The following MICA variants were observed in gnomAD, a reference collection of about 807,000 sequenced individuals.
MICA encodes HLA class I antigen.
Under a neutral mutation model 34.3 loss-of-function variants are expected in MICA, and 18 were observed. That is an observed-to-expected ratio of 0.52 (90% CI 0.36 to 0.78). MICA has a LOEUF of 0.78. Among genes scored for constraint, MICA ranks in the 30% least tolerant of loss-of-function variants. The probability of loss-of-function intolerance (pLI) is 0.00; values close to 1 mark genes in which losing one functional copy is unlikely to be tolerated. For missense variants in MICA, 333 were observed against 409.4 expected, an observed-to-expected ratio of 0.81 and a Z score of 1.61; for synonymous variants, 135 against 156.9, an observed-to-expected ratio of 0.86 and a Z score of 1.04.
intron 5 of MICA, among the ~76,000 whole-genome samples, chr6:31,413,643 G>C (rs1480341270): frequency 6.6e-6 from 1 of 151,870 alleles, no homozygotes; most frequent in East Asian, 1.9e-4. Flanking sequence ...GGCCCCTCAG[G>C]CCTGAGCAGA....
chr6:31,414,389 G>T (rs1308496633), intron 5 of MICA, among the ~76,000 whole-genome samples: 1 of 152,082 alleles, frequency 6.6e-6, no homozygotes, highest in Non-Finnish European at 1.5e-5. Flanking sequence ...ACAGGCTTGG[G>T]TTGTGAGGGT....
At chr6:31,405,305 C>A (rs1437634683) in intron 1 of MICA, among the ~76,000 whole-genome samples, 2 of 151,020 alleles carry the variant, frequency 1.3e-5, no homozygotes, top group Non-Finnish European at 2.9e-5. Context: ...GCCACTGCTC[C>A]CCCTCCAGCA....
intron 1 of MICA, among the ~76,000 whole-genome samples, chr6:31,409,517 C>CATGGCTACTTTGCCCATTTT (rs1447053311): frequency 8.6e-5 from 13 of 151,766 alleles, no homozygotes; most frequent in East Asian, 1.9e-4. Flanking sequence ...CATAGCTTCT[C>CATGGCTACTTTGCCCATTTT]TTATCAGATA....
Position 31,415,301 on chromosome 6 carries a change from G to A in MICA, c.*319G>A. 1 of 469,296 alleles carries A rather than the reference G, an allele frequency of 2.1e-6. No individual in the cohort carries two copies. Among genetic ancestry groups the A allele is most frequent in the Non-Finnish European group, 3.8e-6 (1 of 260,506 alleles). 29.1% of individuals were successfully genotyped at this position (469,296 alleles called of 1,614,324 possible). A position where few individuals can be genotyped will look rare whatever the true frequency, so the allele number is the denominator to read the frequency against. ...TGTTAGTAGATATGAGGCATTTGCA[G>A]CTGTGCCATATTAATTGGTGTCATT... On this transcript the variant is annotated 3_prime_UTR_variant, in exon 6 of 6. Transcript: ENST00000449934.
intron 1 of MICA, among the ~76,000 whole-genome samples, chr6:31,408,440 A>T (rs113708600): frequency 4.5e-4 from 68 of 151,882 alleles, no homozygotes; most frequent in Middle Eastern, 3.4e-3. Flanking sequence ...GTTCTTTAAA[A>T]GTTTAATTGT....
intron 1 of MICA, among the ~76,000 whole-genome samples, chr6:31,408,060 G>T (rs1448060674): frequency 2.6e-5 from 4 of 151,808 alleles, no homozygotes; most frequent in Non-Finnish European, 4.4e-5. Flanking sequence ...ATCATGAAGG[G>T]ATGTTGAATT....
At position 31,412,406 on chromosome 6, in the gene MICA, A is replaced by T; in HGVS notation, c.974A>T (p.Tyr325Phe). The T allele has an allele frequency of 6.4e-7, 1 of 1,568,406 alleles. No individual in the cohort carries two copies. The highest frequency in any genetic ancestry group is 8.6e-7 in the Non-Finnish European group (1 of 1,157,104). Residue 325 changes from tyrosine to phenylalanine, a missense_variant, in exon 5 of 6, where the codon TAT (tyrosine) becomes TTT (phenylalanine). Tyr to Phe is a conservative substitution (Grantham distance 22). Coordinates refer to ENST00000449934, the MANE Select transcript of MICA (RefSeq NM_001177519.3). ...VAAGCCYFCY[Y>F]YFLCPLL ...GCTGGCTGCTGCTATTTTTGTTATT[A>T]TTATTTTCTATGTCCGTTGTTGTAA...
intron 1 of MICA, among the ~76,000 whole-genome samples, chr6:31,407,192 T>C (rs1380662135): frequency 6.6e-6 from 1 of 151,974 alleles, no homozygotes. Flanking sequence ...GAACGTGGAC[T>C]ATCTTTTCCA....
chr6:31,402,872 C>T (rs36222992), upstream of MICA, among the ~76,000 whole-genome samples: 632 of 151,770 alleles, frequency 4.2e-3, 16 homozygotes, highest in East Asian at 0.051. Flanking sequence ...TAGTGAACCA[C>T]AGGGAGCCGC....
At chr6:31,404,822 C>T (rs1770663804) in intron 1 of MICA, among the ~76,000 whole-genome samples, 1 of 151,304 alleles carries the variant, frequency 6.6e-6, no homozygotes, top group African/African-American at 2.4e-5. Flanking sequence ...TGGCCCCTTC[C>T]CCACTCCTTC....
chr6:31,414,084 C>G (rs1398209158), intron 5 of MICA, among the ~76,000 whole-genome samples: 1 of 151,950 alleles, frequency 6.6e-6, no homozygotes, highest in Non-Finnish European at 1.5e-5. Flanking sequence ...TTAAATGAAA[C>G]AGGAACTCAA....
chr6:31,414,488 G>T lies in MICA; in HGVS notation c.*30-524G>T, dbSNP rs181154353. ...GTGGCAGCCACGTCTTTCCATGCTG[G>T]GCCTGCTGGGCCCCCCAGGCTTCCT... On this transcript the variant is annotated intron_variant, in intron 5 of 5. Coordinates refer to ENST00000449934, the MANE Select transcript of MICA (RefSeq NM_001177519.3). Among the ~76,000 whole-genome samples, 148 of 152,144 alleles carry T rather than the reference G, an allele frequency of 9.7e-4. 1 individual carries two copies. Among genetic ancestry groups the T allele is most frequent in the African/African-American group, 3.4e-3 (142 of 41,472 alleles).
intron 1 of MICA, among the ~76,000 whole-genome samples, chr6:31,404,610 C>T (rs1348477628): frequency 6.6e-6 from 1 of 151,900 alleles, no homozygotes; most frequent in East Asian, 1.9e-4. Flanking sequence ...TGCCCCTATG[C>T]CTCCCCGTTC....
upstream of MICA, among the ~76,000 whole-genome samples, chr6:31,401,146 G>T (rs1437875163): frequency 6.6e-6 from 1 of 151,186 alleles, no homozygotes; most frequent in Non-Finnish European, 1.5e-5. Context: ...TGGAGGTAAG[G>T]GCTTGGGACC....
At chr6:31,407,463 T>C (rs570234679) in intron 1 of MICA, among the ~76,000 whole-genome samples, 55 of 152,072 alleles carry the variant, frequency 3.6e-4, no homozygotes, top group Middle Eastern at 3.4e-3. Context: ...CTTGAACTCC[T>C]GACCTCAGGT....
Position 31,403,750 on chromosome 6 carries a change from G to C in MICA, c.70+48G>C, listed in dbSNP as rs1339486003. 2.0e-6 allele frequency: 3 copies of C among 1,500,946 alleles called. No homozygotes were observed. Among genetic ancestry groups the C allele is most frequent in the Non-Finnish European group, 1.8e-6 (2 of 1,122,668 alleles). 93.0% of individuals were successfully genotyped at this position (1,500,946 alleles called of 1,614,324 possible). On this transcript the variant is annotated intron_variant, in intron 1 of 5. Transcript: ENST00000449934. This position sits in a 1 kb window ranked among gnomAD's most constrained non-coding sequence, Gnocchi z 4.7. ...CTCGGCGGAGCGGGAGCAGTGGGAC[G>C]TTTCCGGGGGTCGGGTGGGTAGCGG...
chr6:31,414,926 G>A, intron 5 of MICA, 86 bp from the exon 6 acceptor site: 1 of 1,120,108 alleles, frequency 8.9e-7, no homozygotes, highest in East Asian at 2.8e-5. Context: ...TCTGGTTTTG[G>A]AGCAACTGAA....
chr6:31,403,810 C>T lies in MICA; in HGVS notation c.70+108C>T. 9.5e-7 allele frequency: 1 copy of T among 1,051,652 alleles called. No individual in the cohort carries two copies. Among genetic ancestry groups the T allele is most frequent in the Non-Finnish European group, 1.3e-6 (1 of 747,610 alleles). The allele number at this position is 1,051,652 out of a possible 1,614,324, so 65.1% of individuals were successfully genotyped here. A position where few individuals can be genotyped will look rare whatever the true frequency, so the allele number is the denominator to read the frequency against. On this transcript the variant is annotated intron_variant, in intron 1 of 5. Transcript: ENST00000449934. The surrounding 1 kb of genome is among the most constrained non-coding windows in gnomAD (Gnocchi z 4.7). The stretch of plus-strand genomic sequence containing the variant: ...TGCGGTCAGGGCGGGGCTCCTGTGC[C>T]CTGTCGGTGGCGCAGGGAGCTGGAC...
chr6:31,412,003 A>T lies in MICA; in HGVS notation c.670A>T (p.Thr224Ser). 6.2e-7 allele frequency: 1 copy of T among 1,612,918 alleles called. No individual in the cohort carries two copies. The highest frequency in any genetic ancestry group is 8.5e-7 in the Non-Finnish European group (1 of 1,179,700). ...SEASEGNITV[T>S]CRASSFYPRN... ...GGCCTCAGAGGGCAACATCACCGTGACATGCAGGGCTTCCAGCTTCTATCC... is the reference window on the plus strand; with the variant it reads ...GGCCTCAGAGGGCAACATCACCGTGTCATGCAGGGCTTCCAGCTTCTATCC... Residue 224 changes from threonine (T) to serine (S), a missense_variant, in exon 4 of 6, where the codon ACA becomes TCA. Transcript: ENST00000449934.
Sources: allele counts gnomAD v4.1 joint callset (sites outside exome capture counted in the v4.1 genomes callset), GRCh38; gene constraint gnomAD v4.1.1; non-coding constraint Gnocchi (gnomAD v3.1); transcripts MANE v1.5; gene names NCBI Gene and HGNC (gene_info 2026-07-23, HGNC 2026-07-21).